The following ZFHX3 variants were observed in gnomAD, a reference collection of about 807,000 sequenced individuals.
The protein encoded by ZFHX3 is zinc finger homeobox protein 3.
A neutral mutation model predicts 279.1 loss-of-function variants in ZFHX3; 42 were observed. The ratio of observed to expected loss-of-function variants is 0.15; its 90% CI spans 0.12 to 0.19. The LOEUF (loss-of-function observed/expected upper bound fraction) is 0.19. ZFHX3 is among the 10% of genes least tolerant of loss of function. The pLI is 1.00. For missense variants in ZFHX3, 4,981 were observed against 4,754.0 expected, an observed-to-expected ratio of 1.05 and a Z score of -1.40; for synonymous variants, 2,293 against 1,957.8, an observed-to-expected ratio of 1.17 and a Z score of -4.52.
At chr16:73,704,116 G>A (rs1467119431) in intron 1 of ZFHX3, among the ~76,000 whole-genome samples, 1 of 152,066 alleles carries the variant, frequency 6.6e-6, no homozygotes, top group Non-Finnish European at 1.5e-5. Context: ...CGTTCAGGGT[G>A]GTATGGCCGT....
intron 7 of ZFHX3, among the ~76,000 whole-genome samples, chr16:73,114,294 C>T (rs141902623): frequency 6.1e-5 from 9 of 147,342 alleles, no homozygotes; most frequent in Admixed American, 1.4e-4. Context: ...GATGGTCTCA[C>T]ACTATGGTTG....
intron 1 of ZFHX3, among the ~76,000 whole-genome samples, chr16:73,003,927 C>T (rs1297649856): frequency 6.9e-6 from 1 of 145,456 alleles, no homozygotes; most frequent in Non-Finnish European, 1.5e-5. Flanking sequence ...TACCCAATAA[C>T]CAGATCAGGG....
chr16:73,224,357 A>C (rs369793260), intron 5 of ZFHX3, among the ~76,000 whole-genome samples: 3 of 152,248 alleles, frequency 2.0e-5, no homozygotes, highest in African/African-American at 7.2e-5. Flanking sequence ...TATTACAAAA[A>C]GTAGATTTAG....
Position 72,958,475 on chromosome 16 carries a change from G to C in ZFHX3, c.1671C>G (p.Ser557=). ...TASTSSNSAS[S]FVVFDGANRR... ...TGTTCGCACCATCAAAGACAACAAA[G>C]GAAGAAGCAGAATTAGAACTAGTAG... is the stretch of plus-strand genomic sequence containing the variant. The change falls in exon 2 of 10, where the codon TCC becomes TCG. Residue 557 remains serine (S), a synonymous_variant. Transcript: ENST00000268489. 1 of 1,614,102 alleles carries C rather than the reference G, an allele frequency of 6.2e-7. No individual in the cohort carries two copies. The highest frequency in any genetic ancestry group is 8.5e-7 in the Non-Finnish European group (1 of 1,180,046).
chr16:72,845,672 T>C (rs541669610), intron 4 of ZFHX3, among the ~76,000 whole-genome samples: 2 of 152,236 alleles, frequency 1.3e-5, no homozygotes, highest in East Asian at 3.9e-4. Flanking sequence ...GACCAATCAG[T>C]ACAAAACACT....
intron 5 of ZFHX3, among the ~76,000 whole-genome samples, chr16:73,235,425 T>G (rs1413262940): frequency 6.6e-6 from 1 of 152,106 alleles, no homozygotes; most frequent in African/African-American, 2.4e-5. Flanking sequence ...GAAACAAACT[T>G]CTTTCTTCCC....
intron 1 of ZFHX3, among the ~76,000 whole-genome samples, chr16:73,807,470 A>C (rs1960309269): frequency 6.6e-6 from 1 of 152,038 alleles, no homozygotes; most frequent in Admixed American, 6.6e-5. Context: ...AGCTGCTAAA[A>C]ATGATCCATG....
chr16:73,004,020 C>A (rs1422141321), intron 1 of ZFHX3, among the ~76,000 whole-genome samples: 1 of 150,342 alleles, frequency 6.7e-6, no homozygotes, highest in Non-Finnish European at 1.5e-5. Context: ...TAATCAAATA[C>A]GTTAAAACAA....
chr16:73,814,725 G>A (rs932244158), intron 1 of ZFHX3, among the ~76,000 whole-genome samples: 1 of 151,954 alleles, frequency 6.6e-6, no homozygotes, highest in African/African-American at 2.4e-5. Context: ...CCACCACCAT[G>A]CCTGGCTAAT....
At chr16:73,068,613 T>C (rs1426544074) in intron 8 of ZFHX3, among the ~76,000 whole-genome samples, 2 of 152,212 alleles carry the variant, frequency 1.3e-5, no homozygotes, top group Non-Finnish European at 2.9e-5. Flanking sequence ...GCCTTTTTGT[T>C]TTTCTTTGTA....
At chr16:73,293,146 G>A (rs547423463) in intron 4 of ZFHX3, among the ~76,000 whole-genome samples, 8 of 152,320 alleles carry the variant, frequency 5.3e-5, no homozygotes, top group Admixed American at 3.3e-4. Flanking sequence ...TTTGCGTGAG[G>A]AGATGGGGAT....
intron 1 of ZFHX3, among the ~76,000 whole-genome samples, chr16:73,866,839 C>G (rs1962035639): frequency 6.6e-6 from 1 of 152,168 alleles, no homozygotes. Flanking sequence ...CTACGGGCAT[C>G]TAGTGCTTCA....
chr16:73,851,682 C>T (rs1427010731), intron 1 of ZFHX3, among the ~76,000 whole-genome samples: 1 of 152,118 alleles, frequency 6.6e-6, no homozygotes, highest in Non-Finnish European at 1.5e-5. Context: ...ATTTGAGAAC[C>T]TACTGAAATC....
intron 4 of ZFHX3, among the ~76,000 whole-genome samples, chr16:73,308,224 C>CAT (rs56199536): frequency 1.3e-3 from 146 of 108,450 alleles, no homozygotes; most frequent in East Asian, 3.2e-3. Context: ...CATATGCATG[C>CAT]ATATATATAT....
chr16:73,331,855 G>A (rs889465183), intron 3 of ZFHX3, among the ~76,000 whole-genome samples: 1 of 152,170 alleles, frequency 6.6e-6, no homozygotes, highest in Non-Finnish European at 1.5e-5. Flanking sequence ...GACGTGCCAC[G>A]AGTAAAGCTT....
At chr16:73,224,039 T>C (rs1317910399) in intron 5 of ZFHX3, among the ~76,000 whole-genome samples, 1 of 151,972 alleles carries the variant, frequency 6.6e-6, no homozygotes, top group Admixed American at 6.6e-5. Context: ...GAGGGATGAG[T>C]AGGCAGGGCA....
At chr16:73,339,463 T>C (rs1426159805) in intron 3 of ZFHX3, among the ~76,000 whole-genome samples, 1 of 152,260 alleles carries the variant, frequency 6.6e-6, no homozygotes, top group African/African-American at 2.4e-5. Context: ...TAGTGGTTAA[T>C]TGTTCCAAGC....
At chr16:73,582,025 C>T (rs2051867437) in intron 2 of ZFHX3, among the ~76,000 whole-genome samples, 1 of 151,784 alleles carries the variant, frequency 6.6e-6, no homozygotes. Context: ...ATACATGCTT[C>T]CCCTTCCTTT....
chr16:72,938,284 C>T (rs1374902791), intron 3 of ZFHX3, among the ~76,000 whole-genome samples: 2 of 152,286 alleles, frequency 1.3e-5, no homozygotes, highest in African/African-American at 4.8e-5. Flanking sequence ...GCCCCGTGCC[C>T]ATCTCAGCAA....
Sources: allele counts gnomAD v4.1 joint callset (sites outside exome capture counted in the v4.1 genomes callset), GRCh38; gene constraint gnomAD v4.1.1; transcripts MANE v1.5; gene names NCBI Gene and HGNC (gene_info 2026-07-23, HGNC 2026-07-21).